Variants in ILRUN observed in about 807,000 individuals in gnomAD.
ILRUN encodes the protein inflammation and lipid regulator with UBA-like and NBR1-like domains, also known as protein ILRUN.
A neutral mutation model predicts 33.8 loss-of-function variants in ILRUN; 3 were observed. The observed-to-expected ratio is 0.09, with a 90% confidence interval of 0.04 to 0.23. The LOEUF is 0.23. ILRUN is among the 10% of genes least tolerant of loss of function. The probability of loss-of-function intolerance (pLI) is 1.00; values close to 1 mark genes in which losing one functional copy is unlikely to be tolerated. For synonymous variants in ILRUN, 124 were observed against 138.9 expected (o/e 0.89, Z 0.75); for missense variants, 210 against 375.1 (o/e 0.56, Z 3.64).
Position 34,606,552 on chromosome 6 carries a change from T to C in ILRUN, c.861+3A>G. On this transcript the variant is annotated splice_donor_region_variant and intron_variant, in intron 4 of 4. Coordinates refer to ENST00000374023, the MANE Select transcript of ILRUN (RefSeq NM_024294.4). ...ACCCCTTCTCTTCTCCAAGGGCACC[T>C]ACCTTACTGTAAGTCACTACTGATA... The C allele has an allele frequency of 6.2e-7, 1 of 1,610,804 alleles. No individual in the cohort carries two copies. The highest frequency in any genetic ancestry group is 1.7e-5 in the Admixed American group (1 of 59,870).
chr6:34,613,061 A>T (rs936532441), intron 3 of ILRUN, among the ~76,000 whole-genome samples: 2 of 151,518 alleles, frequency 1.3e-5, no homozygotes, highest in East Asian at 1.9e-4. Context: ...AAAAAAAAAA[A>T]TTTGTTACAT....
At position 34,606,582 on chromosome 6, in the gene ILRUN, G is replaced by A; in HGVS notation, c.834C>T (p.Asn278=). ...TACTGTAAGTCACTACTGATAAGTTGTTTGCGTGACTGCTGGGAGACAGAT... is the reference window on the plus strand; with the variant it reads ...TACTGTAAGTCACTACTGATAAGTTATTTGCGTGACTGCTGGGAGACAGAT... ...SVNLSPSSHA[N]NLSVVTYSKG... is the part of the protein sequence containing the mutation. Residue 278 remains asparagine (N), a synonymous_variant, in exon 4 of 5, where the codon AAC becomes AAT. Coordinates refer to ENST00000374023, the MANE Select transcript of ILRUN (RefSeq NM_024294.4). The A allele has an allele frequency of 6.2e-7, 1 of 1,614,042 alleles. No individual in the cohort carries two copies. The highest frequency in any genetic ancestry group is 1.1e-5 in the South Asian group (1 of 91,072).
chr6:34,640,264 C>T (rs1011116043), intron 3 of ILRUN, among the ~76,000 whole-genome samples: 3 of 151,710 alleles, frequency 2.0e-5, no homozygotes, highest in African/African-American at 7.3e-5. Context: ...CACCACATGC[C>T]GAAAGCACGC....
intron 2 of ILRUN, among the ~76,000 whole-genome samples, chr6:34,653,591 A>AT (rs1336051619): frequency 4.1e-4 from 63 of 152,078 alleles, no homozygotes; most frequent in African/African-American, 1.4e-3. Flanking sequence ...TTTTTCTTGT[A>AT]TTTTTTTCTT....
At chr6:34,655,610 TTTTGAG>T (rs758786451) in intron 1 of ILRUN, among the ~76,000 whole-genome samples, 3 of 152,198 alleles carry the variant, frequency 2.0e-5, no homozygotes, top group Non-Finnish European at 4.4e-5. Flanking sequence ...ACCAGTGGAC[TTTTGAG>T]TTTGTTTCCA....
intron 3 of ILRUN, among the ~76,000 whole-genome samples, chr6:34,607,963 C>A (rs1462646074): frequency 6.6e-6 from 1 of 151,984 alleles, no homozygotes; most frequent in Non-Finnish European, 1.5e-5. Context: ...CGTGGTGGTG[C>A]TCGCCTGTAG....
Position 34,622,302 on chromosome 6 carries a change from A to G in ILRUN, c.512-15398T>C, listed in dbSNP as rs186227660. 9.2e-5 allele frequency among the ~76,000 whole-genome samples: 14 copies of G among 152,258 alleles called. No homozygotes were observed. The East Asian group carries it at 2.7e-3, about 29-fold the overall frequency. On this transcript the variant is annotated intron_variant, in intron 3 of 4. Transcript: ENST00000374023. ...AAGGCTACCCATGGAATGAGAGAAAATATGTACAGATCATATATGTCATAA... is the reference window on the plus strand; with the variant it reads ...AAGGCTACCCATGGAATGAGAGAAAGTATGTACAGATCATATATGTCATAA...
chr6:34,667,238 AAGG>A (rs1024349835), intron 1 of ILRUN, among the ~76,000 whole-genome samples: 2 of 152,222 alleles, frequency 1.3e-5, no homozygotes, highest in African/African-American at 4.8e-5. Flanking sequence ...TTACAAAGTC[AAGG>A]AGATCTTTCT....
intron 4 of ILRUN, among the ~76,000 whole-genome samples, chr6:34,601,498 C>G (rs1355404779): frequency 1.3e-5 from 2 of 152,112 alleles, no homozygotes; most frequent in African/African-American, 2.4e-5. Context: ...TAAGCACTAG[C>G]CCAGTTGAGG....
intron 4 of ILRUN, among the ~76,000 whole-genome samples, chr6:34,601,706 C>A (rs201075685): frequency 1.4e-5 from 2 of 143,694 alleles, no homozygotes; most frequent in African/African-American, 2.9e-5. Flanking sequence ...CCAGTACCCG[C>A]CCCCCCAACT....
At chr6:34,608,191 C>T (rs1761672921) in intron 3 of ILRUN, among the ~76,000 whole-genome samples, 2 of 151,766 alleles carry the variant, frequency 1.3e-5, no homozygotes, top group Non-Finnish European at 2.9e-5. Context: ...GTCAGAAGTT[C>T]GAGACCAGCC....
chr6:34,642,357 T>C (rs1045085198), intron 3 of ILRUN, among the ~76,000 whole-genome samples: 2 of 152,166 alleles, frequency 1.3e-5, no homozygotes, highest in African/African-American at 2.4e-5. Context: ...CAGTTCTGAC[T>C]AAAAAATTAA....
intron 1 of ILRUN, chr6:34,686,468 C>A (rs13191469): frequency 6.6e-6 from 1 of 151,210 alleles, no homozygotes; most frequent in African/African-American, 2.4e-5. Context: ...CCACCGCACT[C>A]CAGCCCGGGC....
chr6:34,680,616 C>T (rs953769438), intron 1 of ILRUN, among the ~76,000 whole-genome samples: 8 of 152,054 alleles, frequency 5.3e-5, no homozygotes, highest in African/African-American at 1.9e-4. Context: ...AGGCACCTGG[C>T]TAAATTTTGT....
chr6:34,693,155 T>C (rs1217578898), intron 1 of ILRUN, among the ~76,000 whole-genome samples: 4 of 152,126 alleles, frequency 2.6e-5, no homozygotes, highest in Non-Finnish European at 5.9e-5. Flanking sequence ...ATTATGACGC[T>C]ATCTTTCATA....
intron 3 of ILRUN, among the ~76,000 whole-genome samples, chr6:34,636,314 G>A (rs1219501694): frequency 1.6e-4 from 25 of 151,650 alleles, no homozygotes; most frequent in Non-Finnish European, 1.5e-4. Flanking sequence ...TTCTTTCTCG[G>A]GGCTGAATGT....
Position 34,646,763 on chromosome 6 carries a change from A to G in ILRUN, c.349T>C (p.Tyr117His). The change falls in exon 3 of 5, where the codon TAT becomes CAT. Residue 117 changes from tyrosine (Y) to histidine (H), a missense_variant. Around this residue, in one of 4 missense-constraint regions of ILRUN, gnomAD observed 60 missense variants for 138.1 expected, o/e 0.43. Transcript: ENST00000374023. This position sits in a 1 kb window ranked among gnomAD's most constrained non-coding sequence, Gnocchi z 4.9. ...EAWPPGVCLKYVGGDQFGHVN... is the reference protein window; with the variant it reads ...EAWPPGVCLKHVGGDQFGHVN... The stretch of plus-strand genomic sequence containing the variant: ...TGTCCAAATTGGTCTCCCCCGACAT[A>G]TTTAAGACAAACCCCTGGAGGCCAG... 6.2e-7 allele frequency: 1 copy of G among 1,614,112 alleles called. No homozygotes were observed. The highest frequency in any genetic ancestry group is 1.3e-5 in the African/African-American group (1 of 75,030).
chr6:34,611,911 T>TA (rs1455546520), intron 3 of ILRUN, among the ~76,000 whole-genome samples: 2 of 152,164 alleles, frequency 1.3e-5, no homozygotes, highest in African/African-American at 4.8e-5. Flanking sequence ...AAGCTATGGT[T>TA]AAGTCAGTCC....
At chr6:34,680,965 G>T (rs1348964285) in intron 1 of ILRUN, among the ~76,000 whole-genome samples, 2 of 151,828 alleles carry the variant, frequency 1.3e-5, no homozygotes, top group African/African-American at 4.8e-5. Flanking sequence ...TAAAAATAAG[G>T]TAGGGCTTCC....
Sources: gnomAD v4.1 joint callset for allele counts (sites outside exome capture counted in the v4.1 genomes callset) on GRCh38, gnomAD v4.1.1 for gene constraint, gnomAD v4.1.1 regional missense constraint, Gnocchi (gnomAD v3.1) non-coding constraint, MANE v1.5 for transcripts, NCBI Gene and HGNC (gene_info 2026-07-23, HGNC 2026-07-21) for gene names.